Variants in STARD13 observed in about 807,000 individuals in gnomAD.
STARD13 encodes stAR-related lipid transfer protein 13.
STARD13 carries 62 observed loss-of-function variants against 106.4 expected under a neutral mutation model. That is an observed-to-expected ratio of 0.58 (90% confidence interval 0.48 to 0.72). The LOEUF is 0.72. Ranked by LOEUF, STARD13 falls within the 30% of genes least tolerant of loss-of-function variation. STARD13 has a pLI of 0.00. For missense variants in STARD13, 1,387 were observed against 1,424.0 expected (o/e 0.97, Z 0.42); for synonymous variants, 565 against 553.0 (o/e 1.02, Z -0.31).
chr13:33,170,098 C>T (rs1008886529), intron 1 of STARD13, among the ~76,000 whole-genome samples: 1 of 152,066 alleles, frequency 6.6e-6, no homozygotes. Flanking sequence ...GATAGCACAA[C>T]AGGGTAACTA....
the STARD13 span, among the ~76,000 whole-genome samples, chr13:33,557,175 C>T: frequency 6.6e-6 from 1 of 151,824 alleles, no homozygotes; most frequent in Non-Finnish European, 1.5e-5. Flanking sequence ...ATTGTTTCCC[C>T]CCTCCACTTC....
At position 33,127,499 on chromosome 13, in the gene STARD13, G is replaced by GA. The variant is rs769117498; in HGVS notation, c.1795_1796insT (p.Ala599ValfsTer117). On this transcript the variant is annotated frameshift_variant, in exon 6 of 14. Coordinates refer to ENST00000336934, the MANE Select transcript of STARD13 (RefSeq NM_178006.4). LOFTEE classifies it high-confidence loss of function. The stretch of plus-strand genomic sequence containing the variant: ...GCTGCTGATGTGGGGCGATGCTGGG[G>GA]CCGGCCGGGGCTGGTGCGACAGCTG... 15 of 1,583,306 alleles carry GA rather than the reference G, an allele frequency of 9.5e-6. No homozygotes were observed. The highest frequency in any genetic ancestry group is 1.1e-5 in the Non-Finnish European group (13 of 1,171,030).
the STARD13 span, among the ~76,000 whole-genome samples, chr13:33,412,415 A>G: frequency 6.6e-6 from 1 of 152,206 alleles, no homozygotes; most frequent in African/African-American, 2.4e-5. Flanking sequence ...GGAAAAAGAA[A>G]AGAGAGAAAA....
At chr13:33,589,868 C>G in the STARD13 span, among the ~76,000 whole-genome samples, 2 of 152,128 alleles carry the variant, frequency 1.3e-5, no homozygotes, top group African/African-American at 4.8e-5. Context: ...AACTTTCTGT[C>G]TCGTTGATCT....
rs555743048 is a variant in STARD13 at position 33,104,887 on chromosome 13, C to T, written c.*706G>A. On this transcript the variant is annotated 3_prime_UTR_variant, in exon 14 of 14. Transcript: ENST00000336934. ...AGCTTTAAATTTGGTAATGACTTCT[C>T]ACCCCCCCATTTGCTTTAAGGAGGA... 9 of 153,634 alleles carry T rather than the reference C, an allele frequency of 5.9e-5. No individual in the cohort carries two copies. The highest frequency in any genetic ancestry group is 2.2e-4 in the African/African-American group (9 of 41,548). 9.5% of individuals were successfully genotyped at this position (153,634 alleles called of 1,614,324 possible).
chr13:33,298,691 T>C (rs1892597804), intron 1 of STARD13, among the ~76,000 whole-genome samples: 1 of 152,118 alleles, frequency 6.6e-6, no homozygotes, highest in Non-Finnish European at 1.5e-5. Flanking sequence ...GTCTATATGA[T>C]TATCAATTCC....
intron 1 of STARD13, among the ~76,000 whole-genome samples, chr13:33,189,476 T>C (rs1293629723): frequency 6.8e-6 from 1 of 146,534 alleles, no homozygotes; most frequent in Admixed American, 6.8e-5. Flanking sequence ...AGGGACTCTC[T>C]GGTTTGTCGT....
chr13:33,302,452 G>C (rs1892756558), intron 1 of STARD13, among the ~76,000 whole-genome samples: 1 of 152,070 alleles, frequency 6.6e-6, no homozygotes, highest in Admixed American at 6.6e-5. Flanking sequence ...GTCTCACTCT[G>C]TTGCCCAGAA....
Position 33,104,556 on chromosome 13 carries a change from A to G in STARD13, c.*1037T>C, listed in dbSNP as rs965929724. ...CGGAATGGCCATCATCTCCCTTTGT[A>G]TGGTGTCTGGAGTTGAATTCAGTGC... On this transcript the variant is annotated 3_prime_UTR_variant, in exon 14 of 14. Transcript: ENST00000336934. 6.6e-5 allele frequency: 10 copies of G among 152,648 alleles called. No individual in the cohort carries two copies. Among genetic ancestry groups the G allele is most frequent in the African/African-American group, 1.9e-4 (8 of 41,460 alleles). The allele number at this position is 152,648 out of a possible 1,614,324, so 9.5% of individuals were successfully genotyped here. A position where few individuals can be genotyped will look rare whatever the true frequency, so the allele number is the denominator to read the frequency against.
At chr13:33,189,022 G>T (rs988867259) in intron 1 of STARD13, among the ~76,000 whole-genome samples, 7 of 152,148 alleles carry the variant, frequency 4.6e-5, no homozygotes, top group Non-Finnish European at 8.8e-5. Context: ...TTTAGTGTCT[G>T]TCAGGTATAA....
Position 33,130,372 on chromosome 13 carries a change from T to A in STARD13, c.388-83A>T. 1 of 1,379,782 alleles carries A rather than the reference T, an allele frequency of 7.2e-7. No individual in the cohort carries two copies. The highest frequency in any genetic ancestry group is 1.3e-5 in the South Asian group (1 of 75,026). 85.5% of individuals were successfully genotyped at this position (1,379,782 alleles called of 1,614,324 possible). A position where few individuals can be genotyped will look rare whatever the true frequency, so the allele number is the denominator to read the frequency against. On this transcript the variant is annotated intron_variant, in intron 4 of 13. Transcript: ENST00000336934. The surrounding 1 kb of genome is among the most constrained non-coding windows in gnomAD (Gnocchi z 4.1). ...TGGGTGCTCTGAGGGCAGCCCTGTGTGGTCCTCCACCTCCCTCCCCTCTGT... is the reference window on the plus strand; with the variant it reads ...TGGGTGCTCTGAGGGCAGCCCTGTGAGGTCCTCCACCTCCCTCCCCTCTGT...
the STARD13 span, among the ~76,000 whole-genome samples, chr13:33,482,520 T>C: frequency 1.3e-5 from 2 of 152,226 alleles, no homozygotes; most frequent in Non-Finnish European, 2.9e-5. Context: ...ATTTTTAATC[T>C]TTAAAATTTT....
At chr13:33,483,089 CA>C in the STARD13 span, among the ~76,000 whole-genome samples, 1 of 152,140 alleles carries the variant, frequency 6.6e-6, no homozygotes, top group Non-Finnish European at 1.5e-5. Flanking sequence ...AAGGAAGTCA[CA>C]AAATTCTAAA....
At chr13:33,659,903 A>G in the STARD13 span, 1 of 152,238 alleles carries the variant, frequency 6.6e-6, no homozygotes, top group African/African-American at 2.4e-5. Context: ...TATGTCTACA[A>G]CCAAAATAAA....
At chr13:33,194,911 A>G (rs1441112353) in intron 1 of STARD13, among the ~76,000 whole-genome samples, 2 of 152,242 alleles carry the variant, frequency 1.3e-5, no homozygotes, top group Non-Finnish European at 2.9e-5. Flanking sequence ...ATAAACATAT[A>G]CACATACCAA....
chr13:33,594,865 A>G, the STARD13 span, among the ~76,000 whole-genome samples: 2 of 152,180 alleles, frequency 1.3e-5, no homozygotes, highest in African/African-American at 2.4e-5. Context: ...AAGCTGAATA[A>G]TACTTGACTG....
chr13:33,642,452 G>A, the STARD13 span, among the ~76,000 whole-genome samples: 1 of 152,218 alleles, frequency 6.6e-6, no homozygotes, highest in Admixed American at 6.5e-5. Context: ...AACACAGGAC[G>A]GCTGTGGGTC....
At chr13:33,343,409 A>G (rs951695053) in intron 1 of STARD13, among the ~76,000 whole-genome samples, 6 of 151,142 alleles carry the variant, frequency 4.0e-5, no homozygotes, top group African/African-American at 1.5e-4. Context: ...AAGAAACCCC[A>G]TCTCTACAAA....
At chr13:33,650,282 C>T in the STARD13 span, among the ~76,000 whole-genome samples, 1 of 139,694 alleles carries the variant, frequency 7.2e-6, no homozygotes, top group Admixed American at 7.5e-5. Flanking sequence ...GCTCCGCCTC[C>T]CGGGTTCACG....
Sources: allele counts gnomAD v4.1 joint callset (sites outside exome capture counted in the v4.1 genomes callset), GRCh38; gene constraint gnomAD v4.1.1; non-coding constraint Gnocchi (gnomAD v3.1); transcripts MANE v1.5; gene names NCBI Gene and HGNC (gene_info 2026-07-23, HGNC 2026-07-21).